The following PCDHGA4 variants were observed in gnomAD, a reference collection of about 807,000 sequenced individuals.
PCDHGA4 encodes the protein protocadherin gamma-A4.
PCDHGA4 carries 38 observed loss-of-function variants against 54.6 expected under a neutral mutation model. The observed-to-expected ratio is 0.70, with a 90% confidence interval of 0.54 to 0.91. The LOEUF (loss-of-function observed/expected upper bound fraction) is 0.91. Ranked by LOEUF, PCDHGA4 falls within the 40% of genes least tolerant of loss-of-function variation. The pLI, the probability that PCDHGA4 is intolerant of heterozygous loss-of-function variation, is 0.00. For synonymous variants in PCDHGA4, 511 were observed against 512.9 expected, an observed-to-expected ratio of 1.00 and a Z score of 0.05; for missense variants, 1,298 against 1,220.9, an observed-to-expected ratio of 1.06 and a Z score of -0.94.
rs765912906 is a variant in PCDHGA4 at position 141,355,935 on chromosome 5, C to G, written c.828C>G (p.Pro276=). ...TNDNAPVFTQ[P]EYHVSVRENV... is the part of the protein sequence containing the mutation. The stretch of plus-strand genomic sequence containing the variant: ...ATAATGCTCCCGTGTTCACTCAGCC[C>G]GAGTACCACGTAAGTGTTCGTGAGA... Residue 276 remains proline, a synonymous_variant, in exon 1 of 4, where the codon CCC becomes CCG. Coordinates refer to ENST00000571252, the MANE Select transcript of PCDHGA4 (RefSeq NM_018917.4). 4.3e-6 allele frequency: 7 copies of G among 1,613,658 alleles called. No individual in the cohort carries two copies. In the South Asian group the frequency reaches 7.7e-5, roughly 18 times the overall value.
At chr5:141,374,754 G>C (rs1770811216) in intron 1 of PCDHGA4, 6 of 1,612,936 alleles carry the variant, frequency 3.7e-6, no homozygotes, top group Non-Finnish European at 4.2e-6. Context: ...GTCCGCTCAA[G>C]CGTCGCCCAA....
intron 1 of PCDHGA4, chr5:141,394,467 G>C (rs558211393): frequency 3.1e-6 from 5 of 1,614,120 alleles, no homozygotes; most frequent in African/African-American, 1.3e-5. Context: ...GAGCCTGTTC[G>C]TGCTGGACCA....
At chr5:141,473,236 A>G (rs1314160781) in intron 1 of PCDHGA4, among the ~76,000 whole-genome samples, 1 of 152,200 alleles carries the variant, frequency 6.6e-6, no homozygotes, top group Non-Finnish European at 1.5e-5. Flanking sequence ...GGATCCACAC[A>G]AGTGAATACA....
intron 1 of PCDHGA4, among the ~76,000 whole-genome samples, chr5:141,430,066 G>C (rs550834063): frequency 6.6e-6 from 1 of 151,984 alleles, no homozygotes; most frequent in Non-Finnish European, 1.5e-5. Flanking sequence ...TCATTTTTAG[G>C]TTTCCATAAT....
chr5:141,436,813 G>A (rs537103294), intron 1 of PCDHGA4, among the ~76,000 whole-genome samples: 91 of 152,320 alleles, frequency 6.0e-4, no homozygotes, highest in Non-Finnish European at 1.1e-3. Flanking sequence ...TGTGACAGCT[G>A]GTTTAAAAAT....
rs2099415271 is a variant in PCDHGA4, at chr5:141,477,659, G to A, written c.2515-17148G>A. 6.2e-7 allele frequency: 1 copy of A among 1,614,194 alleles called. No individual in the cohort carries two copies. The highest frequency in any genetic ancestry group is 1.3e-5 in the African/African-American group (1 of 75,046). ...GGGTCGCTATTTCACAATAAATCGT[G>A]ACAATGGCATAGTGTCATCCTTAGT... On this transcript the variant is annotated intron_variant, in intron 1 of 3. Transcript: ENST00000571252. The surrounding 1 kb of genome is among the most constrained non-coding windows in gnomAD (Gnocchi z 4.9).
chr5:141,400,322 G>T lies in PCDHGA4; in HGVS notation c.2514+42701G>T, dbSNP rs1025265322. The stretch of plus-strand genomic sequence containing the variant: ...CAACCTGGTCTCTGTGTCAAGTCTG[G>T]ACCTGTGGTTCCCCCCAACTACAGT... On this transcript the variant is annotated intron_variant, in intron 1 of 3. Transcript: ENST00000571252. 1.9e-6 allele frequency: 3 copies of T among 1,613,952 alleles called. No homozygotes were observed. In the African/African-American group the frequency reaches 4.0e-5, roughly 22 times the overall value.
intron 1 of PCDHGA4, among the ~76,000 whole-genome samples, chr5:141,359,718 C>T (rs1296049505): frequency 6.6e-6 from 1 of 152,132 alleles, no homozygotes; most frequent in African/African-American, 2.4e-5. Flanking sequence ...GAAACTTTAA[C>T]ACTCATTTCC....
chr5:141,356,949 T>C lies in PCDHGA4; in HGVS notation c.1842T>C (p.Asp614=). The C allele has an allele frequency of 6.2e-7, 1 of 1,614,204 alleles. No individual in the cohort carries two copies. The highest frequency in any genetic ancestry group is 8.5e-7 in the Non-Finnish European group (1 of 1,180,030). The change falls in exon 1 of 4, where the codon GAT becomes GAC. Residue 614 remains aspartate (D), a synonymous_variant. Transcript: ENST00000571252. ...TGGAGCTGGCACCCCGCTCCGCAGA[T>C]TCCGGCTACCTGGTGACCAAAGTGG... ...TGVELAPRSA[D]SGYLVTKVVA... is the part of the protein sequence containing the mutation.
chr5:141,394,158 C>G lies in PCDHGA4; in HGVS notation c.2514+36537C>G, dbSNP rs777816337. 1.2e-5 allele frequency: 19 copies of G among 1,613,726 alleles called. No homozygotes were observed. The Admixed American group carries it at 2.0e-4, about 17-fold the overall frequency. On this transcript the variant is annotated intron_variant, in intron 1 of 3. Transcript: ENST00000571252. ...GCACGTGGCAGACATTAACGACAAC[C>G]CTCCTACTTTCCCTCATGCCTCCTA...
intron 1 of PCDHGA4, chr5:141,411,909 A>T (rs1176626028): frequency 6.6e-6 from 1 of 152,204 alleles, no homozygotes; most frequent in Non-Finnish European, 1.5e-5. Flanking sequence ...TTGCCTTTGC[A>T]CTCAGTCTCT....
chr5:141,434,194 G>A (rs913533813), intron 1 of PCDHGA4, among the ~76,000 whole-genome samples: 7 of 152,190 alleles, frequency 4.6e-5, no homozygotes, highest in African/African-American at 4.8e-5. Flanking sequence ...TAATTCCAAT[G>A]TACTTACTTC....
intron 1 of PCDHGA4, chr5:141,478,813 A>G (rs2099478658): frequency 4.8e-6 from 7 of 1,453,346 alleles, no homozygotes; most frequent in Non-Finnish European, 6.3e-6. Context: ...TGCTATCACA[A>G]CTAACCAATC....
Position 141,432,394 on chromosome 5 carries a change from C to T in PCDHGA4, c.2515-62413C>T, listed in dbSNP as rs149830124. The T allele has an allele frequency of 1.7e-5, 27 of 1,614,260 alleles. No individual in the cohort carries two copies. The African/African-American group carries it at 2.7e-4, about 16-fold the overall frequency. On this transcript the variant is annotated intron_variant, in intron 1 of 3. Transcript: ENST00000571252. The surrounding 1 kb of genome is among the most constrained non-coding windows in gnomAD (Gnocchi z 6.0). ...ACGGGCACCCGCCCCTCAGCAGCAA[C>T]GTGTCGTTGAGCCTGTTCGTGCTGG...
At chr5:141,360,197 T>C (rs777545270) in intron 1 of PCDHGA4, 1 of 1,612,462 alleles carries the variant, frequency 6.2e-7, no homozygotes, top group South Asian at 1.1e-5. Context: ...TTGCCCTTCC[T>C]GTTGTCTTTG....
At chr5:141,422,328 T>C (rs1561800810) in intron 1 of PCDHGA4, 4 of 1,548,502 alleles carry the variant, frequency 2.6e-6, no homozygotes, top group Non-Finnish European at 2.6e-6. Flanking sequence ...GTACAGTGAT[T>C]GCTCTTCTAA....
intron 1 of PCDHGA4, chr5:141,418,303 G>T: frequency 6.2e-7 from 1 of 1,614,032 alleles, no homozygotes; most frequent in Middle Eastern, 1.6e-4. Flanking sequence ...CCGTCAGCCT[G>T]GGGATGGGAA....
chr5:141,422,629 A>C lies in PCDHGA4; in HGVS notation c.2514+65008A>C, dbSNP rs780472571. 1.9e-6 allele frequency: 3 copies of C among 1,613,270 alleles called. No homozygotes were observed. The Admixed American group carries it at 5.0e-5, about 27-fold the overall frequency. Reference sequence around the variant, plus strand: ...TGCCTACATTCCCGAAAACAACCCCAGGGGTGCCTCCATCTTCTCAGTGAC... The same window carrying C: ...TGCCTACATTCCCGAAAACAACCCCCGGGGTGCCTCCATCTTCTCAGTGAC... On this transcript the variant is annotated intron_variant, in intron 1 of 3. Transcript: ENST00000571252.
intron 1 of PCDHGA4, among the ~76,000 whole-genome samples, chr5:141,373,419 A>G (rs562017784): frequency 6.6e-6 from 1 of 152,336 alleles, no homozygotes; most frequent in African/African-American, 2.4e-5. Flanking sequence ...GCTACTCGGG[A>G]GGCTGAGGTG....
Sources: gnomAD v4.1 joint callset for allele counts (sites outside exome capture counted in the v4.1 genomes callset) on GRCh38, gnomAD v4.1.1 for gene constraint, Gnocchi (gnomAD v3.1) non-coding constraint, MANE v1.5 for transcripts, NCBI Gene and HGNC (gene_info 2026-07-23, HGNC 2026-07-21) for gene names.